Variants in PRKCH observed in about 807,000 individuals in gnomAD.
PRKCH encodes protein kinase C eta.
Under a neutral mutation model 82.5 loss-of-function variants are expected in PRKCH, and 28 were observed. That is an observed-to-expected ratio of 0.34 (90% CI 0.25 to 0.47). PRKCH has a LOEUF of 0.47. Ranked by LOEUF, PRKCH falls within the 20% of genes least tolerant of loss-of-function variation. PRKCH has a pLI of 1.00. For missense variants in PRKCH, 705 were observed against 881.8 expected, an observed-to-expected ratio of 0.80 and a Z score of 2.54; for synonymous variants, 322 against 327.4, an observed-to-expected ratio of 0.98 and a Z score of 0.18.
intron 10 of PRKCH, among the ~76,000 whole-genome samples, chr14:61,506,664 A>C (rs1040823750): frequency 6.6e-6 from 1 of 152,136 alleles, no homozygotes; most frequent in Non-Finnish European, 1.5e-5. Flanking sequence ...GAAAAGAAAA[A>C]AATGCTAAGA....
intron 10 of PRKCH, among the ~76,000 whole-genome samples, chr14:61,521,734 A>T (rs905565520): frequency 6.6e-6 from 1 of 152,056 alleles, no homozygotes; most frequent in African/African-American, 2.4e-5. Context: ...GCCCGGCCTT[A>T]ATCTTTTTAA....
chr14:61,430,728 A>G (rs190475465), intron 2 of PRKCH, among the ~76,000 whole-genome samples: 178 of 151,524 alleles, frequency 1.2e-3, no homozygotes, highest in African/African-American at 4.2e-3. Flanking sequence ...CAGTAGATAG[A>G]AAACACCTTA....
intron 1 of PRKCH, among the ~76,000 whole-genome samples, chr14:61,276,981 C>CGAGGTCAG (rs2045209202): frequency 2.0e-5 from 3 of 152,064 alleles, no homozygotes; most frequent in Non-Finnish European, 2.9e-5. Flanking sequence ...GTCAGAAGGT[C>CGAGGTCAG]AAGACCAGCC....
intron 1 of PRKCH, among the ~76,000 whole-genome samples, chr14:61,313,632 A>T (rs1191446722): frequency 1.3e-5 from 2 of 152,122 alleles, no homozygotes; most frequent in African/African-American, 4.8e-5. Context: ...CAAAAAAAAG[A>T]AGGTTTAATT....
At chr14:61,475,695 C>T (rs928732097) in intron 9 of PRKCH, among the ~76,000 whole-genome samples, 1 of 152,128 alleles carries the variant, frequency 6.6e-6, no homozygotes, top group Non-Finnish European at 1.5e-5. Context: ...CTAATTATAT[C>T]AGGAAATAAT....
At chr14:61,252,590 G>T (rs989112224) in intron 1 of PRKCH, among the ~76,000 whole-genome samples, 6 of 152,190 alleles carry the variant, frequency 3.9e-5, no homozygotes, top group Admixed American at 3.3e-4. Flanking sequence ...GGAAACAGAG[G>T]CAACGTGACT....
At chr14:61,379,882 G>A (rs1046928008) in intron 1 of PRKCH, among the ~76,000 whole-genome samples, 4 of 152,194 alleles carry the variant, frequency 2.6e-5, no homozygotes, top group Non-Finnish European at 5.9e-5. Context: ...GCGAGCTCAT[G>A]TGGAAAGTGC....
chr14:61,206,888 C>T (rs947947732), intron 1 of PRKCH, among the ~76,000 whole-genome samples: 1 of 151,846 alleles, frequency 6.6e-6, no homozygotes, highest in Non-Finnish European at 1.5e-5. Flanking sequence ...AGATGGATCA[C>T]CTGAGGTCAG....
At chr14:61,210,543 T>C (rs1206830668) in intron 1 of PRKCH, among the ~76,000 whole-genome samples, 2 of 152,198 alleles carry the variant, frequency 1.3e-5, no homozygotes, top group African/African-American at 4.8e-5. Context: ...AAGTCTGAAC[T>C]GTGACTTTGG....
intron 10 of PRKCH, among the ~76,000 whole-genome samples, chr14:61,514,089 C>T (rs2042786567): frequency 6.6e-6 from 1 of 152,028 alleles, no homozygotes; most frequent in Non-Finnish European, 1.5e-5. Context: ...CCCTGCTTCA[C>T]CCACGCCTAC....
intron 1 of PRKCH, among the ~76,000 whole-genome samples, chr14:61,270,891 T>C (rs1267687149): frequency 6.6e-6 from 1 of 152,180 alleles, no homozygotes; most frequent in Non-Finnish European, 1.5e-5. Context: ...GGAGGATCAC[T>C]TGGGCCCAGG....
At chr14:61,382,029 C>T (rs903417801) in intron 1 of PRKCH, among the ~76,000 whole-genome samples, 33 of 152,116 alleles carry the variant, frequency 2.2e-4, no homozygotes, top group African/African-American at 7.5e-4. Context: ...ATCTGTGCAA[C>T]GGTGATGGTA....
rs1415070943 is a variant in PRKCH, at chr14:61,441,791, G to T, written c.428-1320G>T. ...CTTAAATTGCAAATCTGTGAACTTT[G>T]GATGCCTTTAGAGTTTATTATCCCT... On this transcript the variant is annotated intron_variant, in intron 2 of 13. Coordinates refer to ENST00000332981, the MANE Select transcript of PRKCH (RefSeq NM_006255.5). Among the ~76,000 whole-genome samples, 4 of 132,438 alleles carry T rather than the reference G, an allele frequency of 3.0e-5. No individual in the cohort carries two copies. The East Asian group carries it at 6.6e-4, about 22-fold the overall frequency. 86.9% of individuals were successfully genotyped at this position (132,438 alleles called of 152,430 possible).
chr14:61,361,440 A>G (rs1026036779), intron 1 of PRKCH, among the ~76,000 whole-genome samples: 3 of 152,226 alleles, frequency 2.0e-5, no homozygotes, highest in South Asian at 2.1e-4. Context: ...TTATTTTGCT[A>G]GTGAAACCTT....
At chr14:61,397,214 C>A (rs116632787) in intron 2 of PRKCH, among the ~76,000 whole-genome samples, 1,864 of 152,216 alleles carry the variant, frequency 0.012, 35 homozygotes, top group African/African-American at 0.041. Flanking sequence ...AATTAGCAAT[C>A]CACTGGATGT....
intron 10 of PRKCH, among the ~76,000 whole-genome samples, chr14:61,504,149 C>T (rs750587329): frequency 1.3e-5 from 2 of 151,774 alleles, no homozygotes; most frequent in African/African-American, 2.4e-5. Flanking sequence ...TCCCATAATC[C>T]CCCTTCATGA....
intron 4 of PRKCH, among the ~76,000 whole-genome samples, chr14:61,447,297 A>G (rs1347190743): frequency 6.6e-6 from 1 of 152,248 alleles, no homozygotes; most frequent in Non-Finnish European, 1.5e-5. Context: ...ATCAAAATAC[A>G]TGGGACAAAC....
intron 1 of PRKCH, among the ~76,000 whole-genome samples, chr14:61,212,059 A>T (rs995020414): frequency 1.3e-5 from 2 of 152,026 alleles, no homozygotes; most frequent in African/African-American, 4.8e-5. Flanking sequence ...GGATGAAGTC[A>T]CCCTTTCCTT....
chr14:61,410,633 T>C (rs1250943230), intron 2 of PRKCH, among the ~76,000 whole-genome samples: 1 of 152,198 alleles, frequency 6.6e-6, no homozygotes, highest in African/African-American at 2.4e-5. Context: ...TGTGGCTAAA[T>C]TACTCCTTCT....
Sources: gnomAD v4.1 joint callset for allele counts (sites outside exome capture counted in the v4.1 genomes callset) on GRCh38, gnomAD v4.1.1 for gene constraint, MANE v1.5 for transcripts, NCBI Gene and HGNC (gene_info 2026-07-23, HGNC 2026-07-21) for gene names.